PCDHA6: variants seen among roughly 807,000 people sequenced by gnomAD.
The protein encoded by PCDHA6 is protocadherin alpha 6, also known as protocadherin alpha-6.
In PCDHA6, 55 loss-of-function variants were observed where a neutral mutation model predicts 60.3. That is an observed-to-expected ratio of 0.91 (90% CI 0.73 to 1.14). The LOEUF is 1.14. Ranked by LOEUF, PCDHA6 falls within the 50% of genes most tolerant of loss-of-function variation. PCDHA6 has a pLI of 0.00. For synonymous variants in PCDHA6, 652 were observed against 557.9 expected, an observed-to-expected ratio of 1.17 and a Z score of -2.38; for missense variants, 1,327 against 1,256.5, an observed-to-expected ratio of 1.06 and a Z score of -0.85.
chr5:140,884,764 T>C (rs2060348326), intron 1 of PCDHA6: 1 of 1,417,012 alleles, frequency 7.1e-7, no homozygotes, highest in Non-Finnish European at 9.3e-7. Flanking sequence ...TATTCTTTAC[T>C]TTAATTTTAA....
intron 1 of PCDHA6, among the ~76,000 whole-genome samples, chr5:140,952,530 A>T (rs246033): frequency 6.6e-6 from 1 of 151,882 alleles, no homozygotes; most frequent in Non-Finnish European, 1.5e-5. Context: ...ACCTCCTCAG[A>T]CTGGACTTCT....
At chr5:140,917,262 T>C (rs1222739469) in intron 1 of PCDHA6, among the ~76,000 whole-genome samples, 1 of 151,720 alleles carries the variant, frequency 6.6e-6, no homozygotes, top group Middle Eastern at 3.2e-3. Context: ...CACCTGATGT[T>C]TGGTTTTTGT....
chr5:141,000,405 A>C lies in PCDHA6; in HGVS notation c.2543-9222A>C, dbSNP rs1290838400. Among the ~76,000 whole-genome samples the C allele has an allele frequency of 7.9e-5, 7 of 88,832 alleles. No individual in the cohort carries two copies. In the East Asian group the frequency reaches 9.8e-4, roughly 12 times the overall value. The allele number at this position is 88,832 out of a possible 152,430, so 58.3% of individuals were successfully genotyped here. On this transcript the variant is annotated intron_variant, in intron 3 of 3. Transcript: ENST00000529310. ...TCTCTCTCTCTCTCTCTATATATAT[A>C]TATATATATATATATATTTTTTTTT...
At chr5:140,927,004 A>C (rs1194923615) in intron 1 of PCDHA6, 1 of 1,612,238 alleles carries the variant, frequency 6.2e-7, no homozygotes, top group Non-Finnish European at 8.5e-7. Flanking sequence ...AGCCGTAGGC[A>C]ATCTCTCCGC....
In PCDHA6 at chr5:140,848,623, C is replaced by A. The variant is rs186780543; in HGVS notation, c.2394+18138C>A. 2.4e-3 allele frequency: 3,747 copies of A among 1,588,346 alleles called. 451 individuals carry two copies. Among genetic ancestry groups the A allele is most frequent in the Middle Eastern group, 8.5e-3 (48 of 5,656 alleles). On this transcript the variant is annotated intron_variant, in intron 1 of 3. Coordinates refer to ENST00000529310, the MANE Select transcript of PCDHA6 (RefSeq NM_018909.4). ...GTCCCGGAGGAAGCCGAACACGGCA[C>A]CTTCGTGGGCCGCATCGCGCAGGAC...
At position 140,829,995 on chromosome 5, in the gene PCDHA6, G is replaced by C. The variant is rs1297305883; in HGVS notation, c.1904G>C (p.Arg635Pro). Residue 635 changes from arginine (R) to proline (P), a missense_variant, in exon 1 of 4, where the codon CGT (arginine) becomes CCT (proline). Transcript: ENST00000529310. ...GLYTGEISTT[R>P]VLDEADSPRH... ...TACACGGGCGAGATCAGCACCACTCGTGTCCTGGACGAAGCGGACTCTCCG... is the reference window on the plus strand; with the variant it reads ...TACACGGGCGAGATCAGCACCACTCCTGTCCTGGACGAAGCGGACTCTCCG... 2 of 1,613,982 alleles carry C rather than the reference G, an allele frequency of 1.2e-6. No homozygotes were observed. The highest frequency in any genetic ancestry group is 3.3e-5 in the Admixed American group (2 of 60,034).
intron 1 of PCDHA6, chr5:140,858,129 T>A (rs1258479453): frequency 6.3e-7 from 1 of 1,597,464 alleles, no homozygotes; most frequent in Non-Finnish European, 8.6e-7. Context: ...CTGGTGGATG[T>A]CAACGTGTAC....
At chr5:140,993,321 G>A (rs1021026330) in intron 3 of PCDHA6, among the ~76,000 whole-genome samples, 58 of 152,134 alleles carry the variant, frequency 3.8e-4, no homozygotes, top group African/African-American at 5.3e-4. Context: ...TACCTTCTAA[G>A]TGTTTGTGAT....
intron 1 of PCDHA6, among the ~76,000 whole-genome samples, chr5:140,934,143 A>T (rs1335256190): frequency 6.6e-6 from 1 of 152,000 alleles, no homozygotes; most frequent in Non-Finnish European, 1.5e-5. Context: ...TTCCTTCCTT[A>T]TATGTTTATA....
chr5:140,839,017 T>A (rs2150294125), intron 1 of PCDHA6, among the ~76,000 whole-genome samples: 2 of 152,096 alleles, frequency 1.3e-5, no homozygotes, highest in Non-Finnish European at 2.9e-5. Flanking sequence ...TAAATTATTT[T>A]AGGATATGTT....
chr5:140,881,488 AT>A (rs1193131425), intron 1 of PCDHA6: 4 of 334,526 alleles, frequency 1.2e-5, no homozygotes, highest in African/African-American at 8.9e-5. Flanking sequence ...TATTGTGTTT[AT>A]GCACATACAC....
chr5:140,847,333 C>T (rs2150399030), intron 1 of PCDHA6: 10 of 149,874 alleles, frequency 6.7e-5, no homozygotes, highest in African/African-American at 1.9e-4. Flanking sequence ...TTGTTAAATG[C>T]ACCTCTTAGG....
chr5:140,964,252 T>G (rs569615423), intron 1 of PCDHA6, among the ~76,000 whole-genome samples: 6 of 152,332 alleles, frequency 3.9e-5, no homozygotes, highest in African/African-American at 1.2e-4. Flanking sequence ...GGCTTTATAT[T>G]TGACTCCTTA....
chr5:140,987,391 G>A (rs1277678841), intron 3 of PCDHA6, among the ~76,000 whole-genome samples: 1 of 152,140 alleles, frequency 6.6e-6, no homozygotes, highest in Non-Finnish European at 1.5e-5. Flanking sequence ...ATGCATGCAA[G>A]GAAGCCATCT....
At chr5:140,836,028 G>T (rs2150251055) in intron 1 of PCDHA6, 61 of 1,613,392 alleles carry the variant, frequency 3.8e-5, no homozygotes, top group Non-Finnish European at 4.9e-5. Flanking sequence ...GGGCAGCAAC[G>T]TGACGCTGCA....
chr5:140,868,792 CCATAAATAAG>C (rs2050654448), intron 1 of PCDHA6: 1 of 326,666 alleles, frequency 3.1e-6, no homozygotes, highest in African/African-American at 2.1e-5. Flanking sequence ...TCTGAATATT[CCATAAATAAG>C]CACGTTGGAA....
intron 1 of PCDHA6, chr5:140,857,549 C>G (rs1554150197): frequency 6.3e-7 from 1 of 1,596,826 alleles, no homozygotes; most frequent in Admixed American, 1.7e-5. Flanking sequence ...GTTGGGCGAG[C>G]GCTCGCTGTC....
intron 1 of PCDHA6, chr5:140,967,530 C>T: frequency 6.2e-7 from 1 of 1,613,178 alleles, no homozygotes; most frequent in Non-Finnish European, 8.5e-7. Flanking sequence ...GACAACTCTC[C>T]TGCCTTTGAC....
intron 1 of PCDHA6, among the ~76,000 whole-genome samples, chr5:140,914,464 A>T (rs923814955): frequency 5.9e-5 from 9 of 152,130 alleles, no homozygotes; most frequent in Non-Finnish European, 1.3e-4. Flanking sequence ...GTCTATGTGT[A>T]TCTTCATAGG....
Sources: allele counts gnomAD v4.1 joint callset (sites outside exome capture counted in the v4.1 genomes callset), GRCh38; gene constraint gnomAD v4.1.1; transcripts MANE v1.5; gene names NCBI Gene and HGNC (gene_info 2026-07-23, HGNC 2026-07-21).